Variants in SUGCT observed in about 807,000 individuals in gnomAD.
The protein encoded by SUGCT is succinyl-CoA:glutarate CoA-transferase.
Under a neutral mutation model 55.0 loss-of-function variants are expected in SUGCT, and 41 were observed. The ratio of observed to expected loss-of-function variants is 0.74; its 90% confidence interval spans 0.58 to 0.97. SUGCT has a LOEUF of 0.97. SUGCT is among the 50% of genes least tolerant of loss of function. The pLI is 0.00. For missense variants in SUGCT, 568 were observed against 547.8 expected, an observed-to-expected ratio of 1.04 and a Z score of -0.37; for synonymous variants, 187 against 200.4, an observed-to-expected ratio of 0.93 and a Z score of 0.56.
At chr7:40,777,579 C>T (rs1051543632) in intron 13 of SUGCT, among the ~76,000 whole-genome samples, 1 of 152,072 alleles carries the variant, frequency 6.6e-6, no homozygotes. Flanking sequence ...GAAGTACTCA[C>T]ATGAACCAGG....
intron 12 of SUGCT, among the ~76,000 whole-genome samples, chr7:40,747,071 G>A (rs775265843): frequency 6.6e-6 from 1 of 152,170 alleles, no homozygotes; most frequent in Admixed American, 6.5e-5. Flanking sequence ...CGGGGCGGGT[G>A]CTGAGAACGA....
At chr7:40,524,899 G>A (rs967506898) in intron 12 of SUGCT, among the ~76,000 whole-genome samples, 1 of 152,142 alleles carries the variant, frequency 6.6e-6, no homozygotes, top group Non-Finnish European at 1.5e-5. Context: ...GTAGAGAGTG[G>A]AGGGGCATGT....
chr7:40,983,789 G>A, the SUGCT span, among the ~76,000 whole-genome samples: 17 of 152,338 alleles, frequency 1.1e-4, no homozygotes, highest in South Asian at 3.3e-3. Flanking sequence ...AAGCATGTTA[G>A]CAATGGAGAA....
the SUGCT span, among the ~76,000 whole-genome samples, chr7:41,008,186 G>A: frequency 1.3e-5 from 2 of 152,228 alleles, no homozygotes; most frequent in African/African-American, 2.4e-5. Flanking sequence ...TTGCCTGTGG[G>A]AGGGAGGCGC....
chr7:40,898,814 C>G, the SUGCT span, among the ~76,000 whole-genome samples: 3 of 152,064 alleles, frequency 2.0e-5, no homozygotes, highest in African/African-American at 7.2e-5. Context: ...GAGAACAATA[C>G]TCGGTGAGGC....
intron 9 of SUGCT, among the ~76,000 whole-genome samples, chr7:40,424,072 T>G (rs542932253): frequency 6.6e-6 from 1 of 152,244 alleles, no homozygotes; most frequent in East Asian, 1.9e-4. Context: ...CTGTAAATTA[T>G]TTTTTGGCAT....
intron 12 of SUGCT, among the ~76,000 whole-genome samples, chr7:40,531,830 C>T (rs1367310744): frequency 3.3e-5 from 5 of 152,100 alleles, no homozygotes; most frequent in Non-Finnish European, 7.4e-5. Context: ...CCCGCCACTA[C>T]GCCCGGCTAA....
chr7:40,588,913 T>C (rs1797556370), intron 12 of SUGCT, among the ~76,000 whole-genome samples: 1 of 152,200 alleles, frequency 6.6e-6, no homozygotes, highest in South Asian at 2.1e-4. Context: ...TGGAGTAATA[T>C]GCATACATTT....
At chr7:40,184,347 A>G (rs1487012635) in intron 3 of SUGCT, among the ~76,000 whole-genome samples, 1 of 151,870 alleles carries the variant, frequency 6.6e-6, no homozygotes, top group East Asian at 1.9e-4. Flanking sequence ...TTGTGTGATC[A>G]TGGCTTACTG....
At chr7:40,148,603 C>T (rs968334093) in intron 1 of SUGCT, among the ~76,000 whole-genome samples, 18 of 152,134 alleles carry the variant, frequency 1.2e-4, no homozygotes, top group Non-Finnish European at 1.9e-4. Context: ...GAGATGACGC[C>T]ATTGCACTCC....
intron 12 of SUGCT, among the ~76,000 whole-genome samples, chr7:40,691,071 A>G (rs1784677275): frequency 6.6e-6 from 1 of 152,148 alleles, no homozygotes; most frequent in Non-Finnish European, 1.5e-5. Flanking sequence ...CTCAGGAAAA[A>G]CTGATATTGG....
the SUGCT span, among the ~76,000 whole-genome samples, chr7:41,038,561 C>A: frequency 6.6e-6 from 1 of 152,178 alleles, no homozygotes; most frequent in Admixed American, 6.5e-5. Context: ...GTGACCGGTG[C>A]TAGTTTCAGA....
At chr7:40,397,252 A>G (rs1340909754) in intron 9 of SUGCT, among the ~76,000 whole-genome samples, 3 of 151,850 alleles carry the variant, frequency 2.0e-5, no homozygotes, top group Non-Finnish European at 4.4e-5. Flanking sequence ...TATTCTCTAT[A>G]TTTAGAAAGC....
the SUGCT span, among the ~76,000 whole-genome samples, chr7:40,898,681 G>A: frequency 3.3e-5 from 5 of 151,762 alleles, no homozygotes; most frequent in African/African-American, 7.3e-5. Flanking sequence ...CAGAGATCGC[G>A]CCGCGAGACT....
At chr7:40,750,034 AC>A (rs1268811515) in intron 13 of SUGCT, among the ~76,000 whole-genome samples, 1 of 152,164 alleles carries the variant, frequency 6.6e-6, no homozygotes, top group African/African-American at 2.4e-5. Flanking sequence ...TTCATACTAA[AC>A]CAGCTCACCA....
chr7:40,449,168 G>A (rs1406024429), intron 9 of SUGCT, 119 bp from the exon 10 acceptor site: 4 of 623,892 alleles, frequency 6.4e-6, no homozygotes, highest in African/African-American at 1.9e-5. Context: ...CAAATTAATC[G>A]ATATTGAATT....
chr7:40,555,333 T>G (rs865846087), intron 12 of SUGCT, among the ~76,000 whole-genome samples: 1 of 151,744 alleles, frequency 6.6e-6, no homozygotes, highest in Middle Eastern at 3.4e-3. Flanking sequence ...TTAGGCCTCA[T>G]GGAATTCTGA....
intron 9 of SUGCT, among the ~76,000 whole-genome samples, chr7:40,448,162 T>A (rs183992580): frequency 1.5e-3 from 233 of 151,948 alleles, no homozygotes; most frequent in Admixed American, 2.8e-3. Flanking sequence ...ACATTTGAGT[T>A]CTTGAAAGAA....
At chr7:40,984,394 CA>C in the SUGCT span, among the ~76,000 whole-genome samples, 5 of 149,106 alleles carry the variant, frequency 3.4e-5, no homozygotes, top group African/African-American at 9.8e-5. Flanking sequence ...TTTTTATAGG[CA>C]AAAAAAAATG....
Sources: gnomAD v4.1 joint callset for allele counts (sites outside exome capture counted in the v4.1 genomes callset) on GRCh38, gnomAD v4.1.1 for gene constraint, MANE v1.5 for transcripts, NCBI Gene and HGNC (gene_info 2026-07-23, HGNC 2026-07-21) for gene names.